AGBL1: variants seen among roughly 807,000 people sequenced by gnomAD.
AGBL1 encodes the protein cytosolic carboxypeptidase 4.
A neutral mutation model predicts 118.9 loss-of-function variants in AGBL1; 130 were observed. The ratio of observed to expected loss-of-function variants is 1.09; its 90% CI spans 0.95 to 1.26. The LOEUF is 1.26. Ranked by LOEUF, AGBL1 falls within the 50% of genes most tolerant of loss-of-function variation. The pLI is 0.00. For missense variants in AGBL1, 1,584 were observed against 1,298.1 expected (o/e 1.22, Z -3.38); for synonymous variants, 555 against 478.9 (o/e 1.16, Z -2.08).
intron 21 of AGBL1, among the ~76,000 whole-genome samples, chr15:86,569,157 C>A (rs976158427): frequency 1.3e-5 from 2 of 152,032 alleles, no homozygotes; most frequent in Non-Finnish European, 2.9e-5. Context: ...TGCTGCTGGG[C>A]GCAATGGCTC....
Position 86,247,794 on chromosome 15 carries a change from G to A in AGBL1, c.650G>A (p.Cys217Tyr). The change falls in exon 7 of 23, where the codon TGC becomes TAC. Residue 217 changes from cysteine (C) to tyrosine (Y), a missense_variant. Physicochemically the swap from Cys to Tyr is radical, Grantham distance 194. Transcript: ENST00000614907. The stretch of plus-strand genomic sequence containing the variant: ...CAGATCCGACGGGGCTTGCTGCTCT[G>A]CCTCAGGCACATTGCTGCCCTCCGG... ...YVQIRRGLLLCLRHIAALRSG... is the reference protein window; with the variant it reads ...YVQIRRGLLLYLRHIAALRSG... The A allele has an allele frequency of 6.2e-7, 1 of 1,613,974 alleles. No homozygotes were observed. Among genetic ancestry groups the A allele is most frequent in the Non-Finnish European group, 8.5e-7 (1 of 1,179,890 alleles).
chr15:86,835,866 C>G (rs1207290513), intron 22 of AGBL1, among the ~76,000 whole-genome samples: 2 of 152,084 alleles, frequency 1.3e-5, no homozygotes, highest in African/African-American at 4.8e-5. Flanking sequence ...GTGTATGATC[C>G]ATGTATGTAC....
rs2080402720 is a variant in AGBL1, at chr15:86,915,105, T to G, written c.*7811T>G. On this transcript the variant is annotated 3_prime_UTR_variant, in exon 23 of 23. Transcript: ENST00000614907. ...CTAAATAGATGAATCTGCAATGTTG[T>G]TGAGTGTGAATCTTAGCTTTGGTTG... 1.3e-5 allele frequency: 2 copies of G among 152,206 alleles called. No individual in the cohort carries two copies. Among genetic ancestry groups the G allele is most frequent in the African/African-American group, 4.8e-5 (2 of 41,448 alleles). The allele number at this position is 152,206 out of a possible 1,614,324, so 9.4% of individuals were successfully genotyped here.
chr15:86,595,217 C>G (rs997470954), intron 21 of AGBL1, among the ~76,000 whole-genome samples: 1 of 152,170 alleles, frequency 6.6e-6, no homozygotes, highest in African/African-American at 2.4e-5. Flanking sequence ...CTTAAAGTGT[C>G]ACCTCTATCT....
intron 17 of AGBL1, among the ~76,000 whole-genome samples, chr15:86,377,210 G>T (rs2081053208): frequency 6.6e-6 from 1 of 152,100 alleles, no homozygotes; most frequent in Non-Finnish European, 1.5e-5. Context: ...CCAAGAGATG[G>T]ATTTTAAAAA....
At chr15:86,203,472 G>C (rs1477213959) in intron 5 of AGBL1, among the ~76,000 whole-genome samples, 1 of 152,192 alleles carries the variant, frequency 6.6e-6, no homozygotes, top group Admixed American at 6.5e-5. Flanking sequence ...CACAGTATCT[G>C]TGTATTTCTC....
rs148940095 is a variant in AGBL1 at position 86,291,583 on chromosome 15, C to T, written c.2221-3672C>T. 2.8e-3 allele frequency among the ~76,000 whole-genome samples: 431 copies of T among 152,288 alleles called. 3 individuals carry two copies. The highest frequency in any genetic ancestry group is 9.7e-3 in the African/African-American group (402 of 41,566). ...AACAAAACAGCACACATAGAAAGGG[C>T]TTAGTGAGAGTCTGGACTCCCAGGC... On this transcript the variant is annotated intron_variant, in intron 16 of 22. Coordinates refer to ENST00000614907, the MANE Select transcript of AGBL1 (RefSeq NM_001386094.1).
At chr15:86,333,622 C>T (rs2080311905) in intron 17 of AGBL1, among the ~76,000 whole-genome samples, 1 of 152,162 alleles carries the variant, frequency 6.6e-6, no homozygotes, top group South Asian at 2.1e-4. Flanking sequence ...GAGCTGGTCT[C>T]AATTCTACTG....
At chr15:86,818,419 A>C (rs2141382272) in intron 22 of AGBL1, among the ~76,000 whole-genome samples, 1 of 152,288 alleles carries the variant, frequency 6.6e-6, no homozygotes, top group East Asian at 1.9e-4. Context: ...ACATGCAAGG[A>C]ATCCAGGTTG....
intron 22 of AGBL1, among the ~76,000 whole-genome samples, chr15:86,732,068 T>C (rs1314923752): frequency 6.6e-6 from 1 of 152,194 alleles, no homozygotes; most frequent in Non-Finnish European, 1.5e-5. Context: ...TATCCCCATT[T>C]TACAGAGGCA....
intron 17 of AGBL1, among the ~76,000 whole-genome samples, chr15:86,390,321 T>A (rs1007917464): frequency 2.6e-5 from 4 of 152,170 alleles, no homozygotes; most frequent in African/African-American, 9.7e-5. Flanking sequence ...CCACTCTCAA[T>A]AATTCATGGA....
chr15:86,257,532 G>A (rs1243378177), intron 8 of AGBL1, among the ~76,000 whole-genome samples: 1 of 152,196 alleles, frequency 6.6e-6, no homozygotes. Context: ...GGTACAAGAT[G>A]CCTTCTATGG....
chr15:86,212,257 A>G (rs2078111597), intron 5 of AGBL1, among the ~76,000 whole-genome samples: 1 of 152,244 alleles, frequency 6.6e-6, no homozygotes, highest in Non-Finnish European at 1.5e-5. Context: ...TTCTAGACTA[A>G]TGTGAAGTCA....
At chr15:86,832,409 A>G (rs1350549389) in intron 22 of AGBL1, among the ~76,000 whole-genome samples, 1 of 152,252 alleles carries the variant, frequency 6.6e-6, no homozygotes, top group Non-Finnish European at 1.5e-5. Context: ...TCCAACCATC[A>G]TAGCTTTGTG....
chr15:86,479,240 A>G (rs1268264501), intron 18 of AGBL1, among the ~76,000 whole-genome samples: 1 of 152,206 alleles, frequency 6.6e-6, no homozygotes, highest in East Asian at 1.9e-4. Context: ...ATGAGATCTA[A>G]TTAAACTAAA....
chr15:86,089,902 C>T (rs1045258986), intron 1 of AGBL1, among the ~76,000 whole-genome samples: 4 of 152,112 alleles, frequency 2.6e-5, no homozygotes, highest in African/African-American at 9.7e-5. Flanking sequence ...AAAAAAAATG[C>T]CCCAAATGAC....
rs200591414 is a variant in AGBL1 at position 86,776,738 on chromosome 15, T to TTATA, written c.3158+102312_3158+102315dup. ...TTCTCTGTGAATCAATGGCTTAGAA[T>TTATA]TATATATATATATGTGTGTGTGTGT... On this transcript the variant is annotated intron_variant, in intron 22 of 22. Coordinates refer to ENST00000614907, the MANE Select transcript of AGBL1 (RefSeq NM_001386094.1). Among the ~76,000 whole-genome samples, 22 of 131,812 alleles carry TTATA rather than the reference T, an allele frequency of 1.7e-4. No individual in the cohort carries two copies. The South Asian group carries it at 1.8e-3, about 11-fold the overall frequency. The allele number at this position is 131,812 out of a possible 152,430, so 86.5% of individuals were successfully genotyped here.
intron 21 of AGBL1, among the ~76,000 whole-genome samples, chr15:86,639,521 T>C (rs929320603): frequency 1.3e-5 from 2 of 152,188 alleles, no homozygotes; most frequent in African/African-American, 4.8e-5. Flanking sequence ...GGGCCATGCA[T>C]CTTCTGTGCC....
intron 24 of AGBL1, among the ~76,000 whole-genome samples, chr15:87,008,419 G>T (rs537137749): frequency 6.6e-6 from 1 of 152,134 alleles, no homozygotes; most frequent in South Asian, 2.1e-4. Context: ...CTTGCCTTCC[G>T]CCATGATTGT....
Sources: gnomAD v4.1 joint callset for allele counts (sites outside exome capture counted in the v4.1 genomes callset) on GRCh38, gnomAD v4.1.1 for gene constraint, MANE v1.5 for transcripts, NCBI Gene and HGNC (gene_info 2026-07-23, HGNC 2026-07-21) for gene names.